VWF: variants seen among roughly 807,000 people sequenced by gnomAD.
VWF encodes von Willebrand factor, also known as Factor VIII related antigen.
VWF carries 176 observed loss-of-function variants against 308.6 expected under a neutral mutation model. The ratio of observed to expected loss-of-function variants is 0.57; its 90% CI spans 0.50 to 0.65. VWF has a LOEUF of 0.65. Ranked by LOEUF, VWF falls within the 30% of genes least tolerant of loss-of-function variation. The probability of loss-of-function intolerance (pLI) is 0.00; values close to 1 mark genes in which losing one functional copy is unlikely to be tolerated. For missense variants in VWF, 3,146 were observed against 3,648.2 expected, an observed-to-expected ratio of 0.86 and a Z score of 3.55; for synonymous variants, 1,385 against 1,443.4, an observed-to-expected ratio of 0.96 and a Z score of 0.92.
At chr12:6,108,586 G>GT (rs1008164769) in intron 5 of VWF, among the ~76,000 whole-genome samples, 5 of 139,358 alleles carry the variant, frequency 3.6e-5, no homozygotes, top group Non-Finnish European at 4.6e-5. Context: ...TAGAACACTT[G>GT]TAAAAAAAAA....
At chr12:6,074,984 C>G (rs1360201999) in intron 7 of VWF, among the ~76,000 whole-genome samples, 1 of 151,978 alleles carries the variant, frequency 6.6e-6, no homozygotes, top group Non-Finnish European at 1.5e-5. Context: ...TTCGGGCGGG[C>G]AGGCGGTGAA....
At position 6,046,256 on chromosome 12, in the gene VWF, C is replaced by T. The variant is rs1011325412; in HGVS notation, c.2281+467G>A. Among the ~76,000 whole-genome samples the T allele has an allele frequency of 2.0e-5, 3 of 152,210 alleles. No homozygotes were observed. Among genetic ancestry groups the T allele is most frequent in the Admixed American group, 6.5e-5 (1 of 15,284 alleles). ...ACAGTGCAGCCACCGTTAGGACCTT[C>T]GAATGGAGAGCAACGGACCCAACCC... On this transcript the variant is annotated intron_variant, in intron 17 of 51. Transcript: ENST00000261405. This position sits in a 1 kb window ranked among gnomAD's most constrained non-coding sequence, Gnocchi z 5.0.
At chr12:6,077,747 T>C (rs1345693877) in intron 6 of VWF, among the ~76,000 whole-genome samples, 2 of 152,154 alleles carry the variant, frequency 1.3e-5, no homozygotes, top group East Asian at 1.9e-4. Flanking sequence ...GGTGGTTACA[T>C]GCAGCCTTCC....
At chr12:5,976,941 A>G (rs551848395) in intron 42 of VWF, among the ~76,000 whole-genome samples, 10 of 152,328 alleles carry the variant, frequency 6.6e-5, no homozygotes, top group African/African-American at 2.4e-4. Context: ...CTGTTTGATC[A>G]CGGGACTTAA....
chr12:6,033,775 C>T (rs529124382), intron 20 of VWF, among the ~76,000 whole-genome samples: 2 of 152,330 alleles, frequency 1.3e-5, no homozygotes, highest in Non-Finnish European at 2.9e-5. Flanking sequence ...CAGTCACCCA[C>T]GCTGCCTGAC....
At chr12:6,016,916 C>T (rs1310504531) in intron 28 of VWF, 46 bp from the exon 29 acceptor site, 3 of 1,586,042 alleles carry the variant, frequency 1.9e-6, no homozygotes, top group Non-Finnish European at 2.6e-6. Context: ...CCAGCAGGGA[C>T]AATGGCCACC....
At chr12:6,103,732 C>T (rs1268792280) in intron 5 of VWF, among the ~76,000 whole-genome samples, 3 of 151,662 alleles carry the variant, frequency 2.0e-5, no homozygotes, top group African/African-American at 7.3e-5. Flanking sequence ...GAAACTGGAC[C>T]CCTATCTCTC....
rs2239143 is a variant in VWF, at chr12:6,087,075, A to G, written c.657+8385T>C. 1.2e-3 allele frequency among the ~76,000 whole-genome samples: 183 copies of G among 152,288 alleles called. 2 individuals are homozygous for G. The East Asian group carries it at 0.025, about 21-fold the overall frequency. ...AAAATAAGGCTTGTGTTCACCTAAT[A>G]AACACCAAATTCAGAGACCAGTGGA... On this transcript the variant is annotated intron_variant, in intron 6 of 51. Transcript: ENST00000261405.
rs772676131 is a variant in VWF at position 6,072,448 on chromosome 12, G to A, written c.998-6C>T. 1 of 1,612,182 alleles carries A rather than the reference G, an allele frequency of 6.2e-7. No homozygotes were observed. Among genetic ancestry groups the A allele is most frequent in the Non-Finnish European group, 8.5e-7 (1 of 1,178,520 alleles). ...TTCATCCAGGAGCTGTCCCTCTGGG[G>A]TCAAGGGCATCAAGACAAAGGCCTC... On this transcript the variant is annotated splice_polypyrimidine_tract_variant and splice_region_variant and intron_variant, in intron 8 of 51. Transcript: ENST00000261405.
chr12:6,067,073 G>A (rs1055969447), intron 10 of VWF, among the ~76,000 whole-genome samples: 1 of 152,166 alleles, frequency 6.6e-6, no homozygotes, highest in African/African-American at 2.4e-5. Flanking sequence ...CACCTTCTCC[G>A]CTGCCCCCTC....
At chr12:6,071,386 C>A (rs1232250070) in intron 9 of VWF, 43 bp from the exon 10 acceptor site, 4 of 1,610,510 alleles carry the variant, frequency 2.5e-6, no homozygotes, top group Middle Eastern at 1.7e-4. Context: ...GTTCTGCAAA[C>A]ACAAGGGTAT....
chr12:6,036,286 C>A (rs1049483930), intron 19 of VWF, 102 bp downstream of exon 19: 2 of 991,866 alleles, frequency 2.0e-6, no homozygotes, highest in Non-Finnish European at 1.6e-6. Context: ...ACCAGGTTCC[C>A]ACAGGGGGCT....
intron 47 of VWF, among the ~76,000 whole-genome samples, chr12:5,954,593 A>G (rs1591829214): frequency 6.6e-6 from 1 of 151,918 alleles, no homozygotes; most frequent in Non-Finnish European, 1.5e-5. Context: ...CTGCTAGAAT[A>G]GCTGGAAACT....
At chr12:5,990,392 T>C (rs1445163024) in intron 38 of VWF, among the ~76,000 whole-genome samples, 2 of 152,166 alleles carry the variant, frequency 1.3e-5, no homozygotes, top group Non-Finnish European at 2.9e-5. Context: ...GGGAGAATCA[T>C]ATAAAATGGT....
chr12:6,031,695 TC>T, intron 20 of VWF, 117 bp from the exon 21 acceptor site: 1 of 1,520,100 alleles, frequency 6.6e-7, no homozygotes, highest in Non-Finnish European at 9.0e-7. Flanking sequence ...TCTTGCCACG[TC>T]CATGGCTGCG....
chr12:6,045,161 G>T (rs1944435028), intron 17 of VWF, among the ~76,000 whole-genome samples: 1 of 152,200 alleles, frequency 6.6e-6, no homozygotes, highest in Admixed American at 6.5e-5. Flanking sequence ...CCTACTTCGT[G>T]GCAATTAGTA....
chr12:6,097,431 A>G (rs1945117215), intron 5 of VWF, among the ~76,000 whole-genome samples: 1 of 152,092 alleles, frequency 6.6e-6, no homozygotes, highest in African/African-American at 2.4e-5. Flanking sequence ...GCATGACTCC[A>G]TCCCAAAACA....
chr12:6,085,006 G>A (rs1944952888), intron 6 of VWF, among the ~76,000 whole-genome samples: 1 of 152,220 alleles, frequency 6.6e-6, no homozygotes, highest in African/African-American at 2.4e-5. Flanking sequence ...GGTTTCTGCA[G>A]AGCTTGACAT....
At chr12:6,103,422 G>GTATACACATATGTGTGTA (rs1945198350) in intron 5 of VWF, among the ~76,000 whole-genome samples, 2 of 114,066 alleles carry the variant, frequency 1.8e-5, no homozygotes, top group African/African-American at 1.2e-4. Context: ...ACACGTGTGT[G>GTATACACATATGTGTGTA]TATACACACG....
Sources: allele counts gnomAD v4.1 joint callset (sites outside exome capture counted in the v4.1 genomes callset), GRCh38; gene constraint gnomAD v4.1.1; non-coding constraint Gnocchi (gnomAD v3.1); transcripts MANE v1.5; gene names NCBI Gene and HGNC (gene_info 2026-07-23, HGNC 2026-07-21).